The following DMRT1 variants were observed in gnomAD, a reference collection of about 807,000 sequenced individuals.
DMRT1 encodes the protein doublesex and mab-3 related transcription factor 1, also known as doublesex- and mab-3-related transcription factor 1.
In DMRT1, 7 loss-of-function variants were observed where a neutral mutation model predicts 32.3. The ratio of observed to expected loss-of-function variants is 0.22; its 90% CI spans 0.12 to 0.41. The LOEUF is 0.41. DMRT1 is among the 10% of genes least tolerant of loss of function. The pLI is 1.00. For missense variants in DMRT1, 625 were observed against 500.5 expected, an observed-to-expected ratio of 1.25 and a Z score of -2.37; for synonymous variants, 278 against 206.1, an observed-to-expected ratio of 1.35 and a Z score of -2.99.
At chr9:848,206 C>T (rs1409351438) in intron 2 of DMRT1, among the ~76,000 whole-genome samples, 1 of 152,176 alleles carries the variant, frequency 6.6e-6, no homozygotes, top group Non-Finnish European at 1.5e-5. Flanking sequence ...GTACTAAAGT[C>T]ACACAACTAT....
chr9:891,436 G>C (rs1817145712), intron 2 of DMRT1, among the ~76,000 whole-genome samples: 1 of 151,600 alleles, frequency 6.6e-6, no homozygotes, highest in Non-Finnish European at 1.5e-5. Context: ...GGGCGACAGA[G>C]TGAGACCCTG....
intron 4 of DMRT1, among the ~76,000 whole-genome samples, chr9:931,766 T>C (rs1220452629): frequency 6.6e-6 from 1 of 152,202 alleles, no homozygotes; most frequent in Admixed American, 6.5e-5. Flanking sequence ...TAACCCCAGT[T>C]ATCTCCCTAA....
intron 2 of DMRT1, among the ~76,000 whole-genome samples, chr9:864,638 A>G (rs1447789166): frequency 1.3e-5 from 2 of 151,890 alleles, no homozygotes; most frequent in South Asian, 2.1e-4. Context: ...AGCTGGGACT[A>G]CAGGCGCCCG....
chr9:875,441 A>G (rs1280645813), intron 2 of DMRT1, among the ~76,000 whole-genome samples: 1 of 152,126 alleles, frequency 6.6e-6, no homozygotes, highest in Non-Finnish European at 1.5e-5. Context: ...TTCTGCATCT[A>G]TTTTGATTAC....
chr9:886,486 C>G (rs868718320), intron 2 of DMRT1, among the ~76,000 whole-genome samples: 16 of 152,056 alleles, frequency 1.1e-4, no homozygotes, highest in Non-Finnish European at 1.8e-4. Flanking sequence ...AAACTCCTGA[C>G]CTCAAGTGAT....
intron 4 of DMRT1, among the ~76,000 whole-genome samples, chr9:921,540 C>G (rs1818354563): frequency 1.3e-5 from 2 of 152,020 alleles, no homozygotes; most frequent in Admixed American, 1.3e-4. Flanking sequence ...TATGGTAAGT[C>G]TATATGTAAT....
intron 3 of DMRT1, among the ~76,000 whole-genome samples, chr9:898,004 A>C (rs1384478196): frequency 6.6e-6 from 1 of 152,238 alleles, no homozygotes; most frequent in African/African-American, 2.4e-5. Context: ...GTTATAAAGA[A>C]GTATTAAAAT....
At position 841,748 on chromosome 9, in the gene DMRT1, C is replaced by G. The variant is rs541918930; in HGVS notation, c.-91C>G. The stretch of plus-strand genomic sequence containing the variant: ...GCACACGTCTCCTGCGCCTCCTCCT[C>G]CGGAGCGTCGCTGTCCGTCGGGTTC... On this transcript the variant is annotated 5_prime_UTR_variant, in exon 1 of 5. Transcript: ENST00000382276. 79 of 1,548,014 alleles carry G rather than the reference C, an allele frequency of 5.1e-5. No individual in the cohort carries two copies. Among genetic ancestry groups the G allele is most frequent in the Non-Finnish European group, 6.6e-5 (76 of 1,147,178 alleles).
At chr9:878,589 A>C (rs1280387538) in intron 2 of DMRT1, among the ~76,000 whole-genome samples, 1 of 152,076 alleles carries the variant, frequency 6.6e-6, no homozygotes, top group East Asian at 1.9e-4. Flanking sequence ...GGAAGATTCC[A>C]AGTTCAGCTG....
chr9:905,513 T>TGTGTGTGTGTGTGG (rs1418612091), intron 3 of DMRT1, among the ~76,000 whole-genome samples: 14 of 151,652 alleles, frequency 9.2e-5, no homozygotes, highest in African/African-American at 2.9e-4. Flanking sequence ...TGTGTGTGTG[T>TGTGTGTGTGTGTGG]GGCACTGCAG....
Position 967,993 on chromosome 9 carries a change from C to T in DMRT1, c.976C>T (p.Pro326Ser), listed in dbSNP as rs1231737916. ...YPEARASVFS[P>S]PSSQDSGLVS... is the part of the protein sequence containing the mutation. Reference sequence around the variant, plus strand: ...CTCACCTCACTTCGCAGTATTCTCGCCGCCCAGCAGTCAAGATTCTGGCTT... The same window carrying T: ...CTCACCTCACTTCGCAGTATTCTCGTCGCCCAGCAGTCAAGATTCTGGCTT... The change falls in exon 5 of 5, where the codon CCG becomes TCG. Residue 326 changes from proline (P) to serine (S), a missense_variant. Pro to Ser is a moderately conservative substitution (Grantham distance 74). Transcript: ENST00000382276. 1 of 1,613,668 alleles carries T rather than the reference C, an allele frequency of 6.2e-7. No homozygotes were observed. Among genetic ancestry groups the T allele is most frequent in the Non-Finnish European group, 8.5e-7 (1 of 1,180,012 alleles).
chr9:920,809 G>T (rs554113854), intron 4 of DMRT1, among the ~76,000 whole-genome samples: 2 of 152,310 alleles, frequency 1.3e-5, no homozygotes, highest in African/African-American at 4.8e-5. Flanking sequence ...CAAGCCAGGT[G>T]GGGTGGGAAC....
chr9:927,559 T>C (rs889842615), intron 4 of DMRT1, among the ~76,000 whole-genome samples: 5 of 152,224 alleles, frequency 3.3e-5, no homozygotes, highest in African/African-American at 4.8e-5. Context: ...TTGGCTGTTA[T>C]ATGGGGATAG....
intron 1 of DMRT1, among the ~76,000 whole-genome samples, chr9:846,339 C>T (rs1032196416): frequency 2.0e-5 from 3 of 152,054 alleles, no homozygotes; most frequent in African/African-American, 7.2e-5. Context: ...GGCCCTGTTT[C>T]ATTTGTTAAA....
At chr9:909,678 G>C (rs1817902939) in intron 3 of DMRT1, among the ~76,000 whole-genome samples, 1 of 151,694 alleles carries the variant, frequency 6.6e-6, no homozygotes, top group Non-Finnish European at 1.5e-5. Context: ...CCATTTAAAA[G>C]ACTGTAAGCC....
chr9:851,041 A>G (rs1417406378), intron 2 of DMRT1, among the ~76,000 whole-genome samples: 1 of 51,070 alleles, frequency 2.0e-5, no homozygotes, highest in Non-Finnish European at 5.5e-5. Context: ...AAAAAAAAAA[A>G]AAAAGAAAGA....
At chr9:868,066 T>A (rs1816069333) in intron 2 of DMRT1, among the ~76,000 whole-genome samples, 1 of 152,178 alleles carries the variant, frequency 6.6e-6, no homozygotes, top group African/African-American at 2.4e-5. Flanking sequence ...CAGCCTTGAC[T>A]TCCTGGGCTC....
rs1332983287 is a variant in DMRT1, at chr9:846,839, G to C, written c.355-121G>C. ...TGGGTGGGTTTAAGAAGAAATGGGA[G>C]ATTTTCAGACCTCACCTCCAGAGCT... On this transcript the variant is annotated intron_variant, in intron 1 of 4. Coordinates refer to ENST00000382276, the MANE Select transcript of DMRT1 (RefSeq NM_021951.3). The C allele has an allele frequency of 6.3e-6, 8 of 1,267,994 alleles. No homozygotes were observed. The East Asian group carries it at 1.9e-4, about 29-fold the overall frequency. 78.5% of individuals were successfully genotyped at this position (1,267,994 alleles called of 1,614,324 possible).
At chr9:851,838 A>G (rs1163594496) in intron 2 of DMRT1, among the ~76,000 whole-genome samples, 1 of 152,186 alleles carries the variant, frequency 6.6e-6, no homozygotes, top group African/African-American at 2.4e-5. Context: ...TTATTTTCTT[A>G]CATGATTTTG....
Sources: allele counts gnomAD v4.1 joint callset (sites outside exome capture counted in the v4.1 genomes callset), GRCh38; gene constraint gnomAD v4.1.1; transcripts MANE v1.5; gene names NCBI Gene and HGNC (gene_info 2026-07-23, HGNC 2026-07-21).